SBF2: variants seen among roughly 807,000 people sequenced by gnomAD.
The protein encoded by SBF2 is myotubularin-related protein 13.
SBF2 carries 112 observed loss-of-function variants against 225.2 expected under a neutral mutation model. That is an observed-to-expected ratio of 0.50 (90% CI 0.43 to 0.58). SBF2 has a LOEUF of 0.58. Ranked by LOEUF, SBF2 falls within the 20% of genes least tolerant of loss-of-function variation. SBF2 has a pLI of 0.00. For synonymous variants in SBF2, 763 were observed against 773.3 expected (o/e 0.99, Z 0.22); for missense variants, 1,996 against 2,206.2 (o/e 0.90, Z 1.91).
intron 16 of SBF2, chr11:9,959,520 C>A: frequency 1.2e-6 from 1 of 805,048 alleles, no homozygotes; most frequent in South Asian, 1.3e-5. Context: ...CTTCACAGAA[C>A]ACCAGCTTGT....
intron 2 of SBF2, among the ~76,000 whole-genome samples, chr11:10,157,225 T>C (rs1955518808): frequency 6.6e-6 from 1 of 152,136 alleles, no homozygotes; most frequent in African/African-American, 2.4e-5. Context: ...ACGCAGATTA[T>C]TAAAACTGAA....
chr11:9,932,931 G>A (rs1864598779), intron 16 of SBF2, among the ~76,000 whole-genome samples: 1 of 132,032 alleles, frequency 7.6e-6, no homozygotes, highest in Non-Finnish European at 1.6e-5. Context: ...AAGGGATGGA[G>A]GGAGATCTAC....
intron 2 of SBF2, among the ~76,000 whole-genome samples, chr11:10,130,894 G>A (rs373963424): frequency 5.9e-5 from 9 of 151,832 alleles, no homozygotes; most frequent in African/African-American, 1.2e-4. Flanking sequence ...ATATTGCTAC[G>A]AGATATACCA....
At chr11:9,931,464 C>A (rs945092070) in intron 16 of SBF2, among the ~76,000 whole-genome samples, 1 of 152,224 alleles carries the variant, frequency 6.6e-6, no homozygotes, top group Non-Finnish European at 1.5e-5. Context: ...CTGCAGCCTC[C>A]ACTGGTGATA....
In SBF2 at chr11:9,780,401, T is replaced by C. The variant is rs759100209; in HGVS notation, c.*17A>G. On this transcript the variant is annotated 3_prime_UTR_variant, in exon 40 of 40. Transcript: ENST00000256190. ...CATGAGTTCTTCTGTTTCTTCTGCGTGGGTTGACCATGGGCATCAGGCATC... is the reference window on the plus strand; with the variant it reads ...CATGAGTTCTTCTGTTTCTTCTGCGCGGGTTGACCATGGGCATCAGGCATC... 1 of 1,601,172 alleles carries C rather than the reference T, an allele frequency of 6.2e-7. No homozygotes were observed. The highest frequency in any genetic ancestry group is 8.6e-7 in the Non-Finnish European group (1 of 1,168,394).
At position 9,785,143 on chromosome 11, in the gene SBF2, G is replaced by T; in HGVS notation, c.5213C>A (p.Ser1738Tyr). The change falls in exon 37 of 40, where the codon TCC becomes TAC. Residue 1738 changes from serine to tyrosine, a missense_variant. Transcript: ENST00000256190. ...RAATLYSQYT[S>Y]KNDENRSFEG... ...ATGTCACCTGTTTTCATCATTCTTG[G>T]ATGTATACTGGCTATAGAGCGTGGC... 1 of 1,613,016 alleles carries T rather than the reference G, an allele frequency of 6.2e-7. No individual in the cohort carries two copies. The highest frequency in any genetic ancestry group is 8.5e-7 in the Non-Finnish European group (1 of 1,180,004).
At chr11:9,866,358 T>C (rs551973285) in intron 17 of SBF2, among the ~76,000 whole-genome samples, 3 of 152,076 alleles carry the variant, frequency 2.0e-5, no homozygotes, top group Non-Finnish European at 4.4e-5. Flanking sequence ...CAAAACAGCA[T>C]GGTACTGCCA....
At chr11:10,115,822 T>C (rs964540732) in intron 2 of SBF2, among the ~76,000 whole-genome samples, 3 of 152,174 alleles carry the variant, frequency 2.0e-5, no homozygotes, top group South Asian at 2.1e-4. Context: ...GATGATCAGG[T>C]AGAAAAGTAA....
intron 2 of SBF2, among the ~76,000 whole-genome samples, chr11:10,091,453 A>G (rs1048161207): frequency 1.3e-5 from 2 of 152,186 alleles, no homozygotes; most frequent in African/African-American, 4.8e-5. Context: ...GCTTGTCACC[A>G]TAACAACTGA....
At chr11:9,839,175 T>C (rs993326834) in intron 26 of SBF2, 3 of 356,284 alleles carry the variant, frequency 8.4e-6, no homozygotes, top group Non-Finnish European at 1.6e-5. Context: ...AAGACTTTCA[T>C]GTCCTCTATT....
chr11:9,942,427 G>A (rs756696011), intron 16 of SBF2, among the ~76,000 whole-genome samples: 3 of 152,168 alleles, frequency 2.0e-5, no homozygotes, highest in African/African-American at 4.8e-5. Context: ...CTTGCAAAAT[G>A]TCAATTCTTC....
chr11:10,277,794 C>G (rs1349438159), intron 1 of SBF2, among the ~76,000 whole-genome samples: 2 of 152,102 alleles, frequency 1.3e-5, no homozygotes, highest in Non-Finnish European at 2.9e-5. Flanking sequence ...AATCAAGGAG[C>G]CCCTGGGGCC....
intron 16 of SBF2, among the ~76,000 whole-genome samples, chr11:9,952,917 T>C (rs1865942279): frequency 6.6e-6 from 1 of 152,056 alleles, no homozygotes; most frequent in Admixed American, 6.6e-5. Context: ...CAGGGAACAC[T>C]TCTACACTGC....
intron 24 of SBF2, among the ~76,000 whole-genome samples, chr11:9,845,073 G>A (rs564280235): frequency 1.4e-4 from 22 of 152,110 alleles, no homozygotes; most frequent in Non-Finnish European, 3.2e-4. Flanking sequence ...ATAAACAAAT[G>A]GACCAAAGTA....
chr11:10,180,775 G>A (rs12287386), intron 2 of SBF2, among the ~76,000 whole-genome samples: 14,480 of 151,942 alleles, frequency 0.095, 940 homozygotes, highest in East Asian at 0.28. Flanking sequence ...TTGGTGTTCT[G>A]CCTGTCTTCA....
At chr11:10,229,656 G>T (rs1285883039) in intron 1 of SBF2, among the ~76,000 whole-genome samples, 1 of 152,170 alleles carries the variant, frequency 6.6e-6, no homozygotes, top group African/African-American at 2.4e-5. Flanking sequence ...GTTCTAGTTT[G>T]ATTGCACTGT....
At chr11:9,954,492 G>GT (rs1866037415) in intron 16 of SBF2, among the ~76,000 whole-genome samples, 2 of 152,170 alleles carry the variant, frequency 1.3e-5, no homozygotes, top group East Asian at 1.9e-4. Flanking sequence ...AACATCACAT[G>GT]TAAGTCCATT....
At chr11:9,834,091 T>A (rs1241589963) in intron 26 of SBF2, among the ~76,000 whole-genome samples, 1 of 150,474 alleles carries the variant, frequency 6.6e-6, no homozygotes, top group Non-Finnish European at 1.5e-5. Context: ...TTATTTATTT[T>A]ATTTTTTATT....
At chr11:9,876,382 A>C (rs984911907) in intron 17 of SBF2, among the ~76,000 whole-genome samples, 4 of 152,174 alleles carry the variant, frequency 2.6e-5, no homozygotes, top group Admixed American at 2.6e-4. Context: ...CCTTAAATTC[A>C]TATGTTGAAA....
Sources: gnomAD v4.1 joint callset for allele counts (sites outside exome capture counted in the v4.1 genomes callset) on GRCh38, gnomAD v4.1.1 for gene constraint, MANE v1.5 for transcripts, NCBI Gene and HGNC (gene_info 2026-07-23, HGNC 2026-07-21) for gene names.